The following PRELID2 variants were observed in gnomAD, a reference collection of about 807,000 sequenced individuals.
The protein encoded by PRELID2 is PRELI domain containing 2.
PRELID2 carries 25 observed loss-of-function variants against 28.4 expected under a neutral mutation model. That is an observed-to-expected ratio of 0.88 (90% confidence interval 0.64 to 1.23). The LOEUF (loss-of-function observed/expected upper bound fraction) is 1.23. PRELID2 is among the 50% of genes most tolerant of loss of function. PRELID2 has a pLI of 0.00. For missense variants in PRELID2, 201 were observed against 214.4 expected, an observed-to-expected ratio of 0.94 and a Z score of 0.39; for synonymous variants, 76 against 71.6, an observed-to-expected ratio of 1.06 and a Z score of -0.31.
At chr5:145,553,673 T>C (rs753186865) in intron 1 of PRELID2, among the ~76,000 whole-genome samples, 1 of 152,216 alleles carries the variant, frequency 6.6e-6, no homozygotes, top group African/African-American at 2.4e-5. Flanking sequence ...TGCTAAATAA[T>C]AGATTTTATA....
At chr5:145,718,166 T>C (rs1414133555) in intron 1 of PRELID2, among the ~76,000 whole-genome samples, 1 of 151,974 alleles carries the variant, frequency 6.6e-6, no homozygotes, top group African/African-American at 2.4e-5. Flanking sequence ...CATATGGTCA[T>C]CTACTTAGGA....
intron 1 of PRELID2, among the ~76,000 whole-genome samples, chr5:145,689,469 G>A (rs919883632): frequency 1.3e-5 from 2 of 152,138 alleles, no homozygotes; most frequent in African/African-American, 2.4e-5. Flanking sequence ...AAAGCCTACC[G>A]GGGAGCCAAC....
chr5:145,496,665 G>T (rs555691034), intron 1 of PRELID2, among the ~76,000 whole-genome samples: 1 of 152,176 alleles, frequency 6.6e-6, no homozygotes, highest in East Asian at 1.9e-4. Context: ...CTCTCCATTG[G>T]TCTAGCTGAG....
chr5:145,525,751 A>G (rs990826225), intron 1 of PRELID2, among the ~76,000 whole-genome samples: 6 of 152,244 alleles, frequency 3.9e-5, no homozygotes, highest in Admixed American at 6.5e-5. Context: ...AAAAACACAC[A>G]TCAACAACTG....
At chr5:145,254,292 A>G in the PRELID2 span, among the ~76,000 whole-genome samples, 14 of 152,206 alleles carry the variant, frequency 9.2e-5, no homozygotes, top group Admixed American at 9.2e-4. Flanking sequence ...CACACATTGT[A>G]TATCCAATAA....
At chr5:145,810,934 T>C (rs1322084237) in intron 4 of PRELID2, among the ~76,000 whole-genome samples, 1 of 151,944 alleles carries the variant, frequency 6.6e-6, no homozygotes, top group Non-Finnish European at 1.5e-5. Context: ...GAGGTTGTAT[T>C]AGTCCATTTT....
intron 1 of PRELID2, among the ~76,000 whole-genome samples, chr5:145,682,284 G>A (rs1006147192): frequency 1.3e-5 from 2 of 152,184 alleles, no homozygotes; most frequent in African/African-American, 2.4e-5. Context: ...GTTTTGGTTG[G>A]GAGGAAAATG....
downstream of PRELID2, among the ~76,000 whole-genome samples, chr5:145,751,928 G>A (rs1757134297): frequency 1.3e-5 from 2 of 152,212 alleles, no homozygotes; most frequent in Admixed American, 1.3e-4. Context: ...GTTGCAGTGA[G>A]CTGAGATCGT....
intron 1 of PRELID2, among the ~76,000 whole-genome samples, chr5:145,591,277 T>C (rs533341070): frequency 4.7e-5 from 7 of 147,460 alleles, no homozygotes; most frequent in Admixed American, 1.4e-4. Flanking sequence ...GCCTGAGTGA[T>C]AGAGCGAGAC....
At chr5:145,754,751 T>G (rs1466454583), downstream of PRELID2, among the ~76,000 whole-genome samples, 1 of 152,212 alleles carries the variant, frequency 6.6e-6, no homozygotes, top group Non-Finnish European at 1.5e-5. Context: ...AGTTTACAAA[T>G]GCATAGCTCA....
intron 2 of PRELID2, among the ~76,000 whole-genome samples, chr5:145,822,020 T>C (rs1754864297): frequency 6.6e-6 from 1 of 152,096 alleles, no homozygotes; most frequent in Non-Finnish European, 1.5e-5. Flanking sequence ...ATCTATATGG[T>C]TATAGAATTA....
the PRELID2 span, among the ~76,000 whole-genome samples, chr5:145,431,027 T>G: frequency 6.8e-5 from 10 of 148,024 alleles, no homozygotes; most frequent in African/African-American, 2.2e-4. Context: ...TTTTTTTTTT[T>G]TTTTTTTTTA....
At chr5:145,457,227 A>G in the PRELID2 span, among the ~76,000 whole-genome samples, 1 of 152,172 alleles carries the variant, frequency 6.6e-6, no homozygotes. Flanking sequence ...TGACACTAAG[A>G]CAGTGGCTTA....
chr5:145,242,336 A>C, the PRELID2 span, among the ~76,000 whole-genome samples: 7 of 152,020 alleles, frequency 4.6e-5, no homozygotes, highest in African/African-American at 1.4e-4. Context: ...ATAAGACATT[A>C]AATAACACTA....
the PRELID2 span, among the ~76,000 whole-genome samples, chr5:145,300,246 G>A: frequency 0.24 from 36,178 of 151,830 alleles, 5,259 homozygotes; most frequent in Non-Finnish European, 0.32. Context: ...AAAACAAAAC[G>A]TCTCAGGCTT....
At chr5:145,809,638 T>C (rs1485905014) in intron 4 of PRELID2, among the ~76,000 whole-genome samples, 1 of 152,216 alleles carries the variant, frequency 6.6e-6, no homozygotes, top group Non-Finnish European at 1.5e-5. Context: ...AAGCAGAAGC[T>C]TTTAGACATA....
the PRELID2 span, among the ~76,000 whole-genome samples, chr5:145,426,719 G>A: frequency 6.6e-6 from 1 of 152,102 alleles, no homozygotes; most frequent in Non-Finnish European, 1.5e-5. Context: ...AGGTAAAGTT[G>A]CACACCCAAG....
chr5:145,246,941 G>A, the PRELID2 span, among the ~76,000 whole-genome samples: 3 of 152,164 alleles, frequency 2.0e-5, no homozygotes, highest in Non-Finnish European at 4.4e-5. Flanking sequence ...TGCCTTTGCA[G>A]GACTAACAAA....
intron 1 of PRELID2, among the ~76,000 whole-genome samples, chr5:145,828,657 T>C (rs1755365993): frequency 6.6e-6 from 1 of 152,072 alleles, no homozygotes; most frequent in African/African-American, 2.4e-5. Flanking sequence ...CTAAATAGTT[T>C]AAATGCTTTC....
Sources: allele counts gnomAD v4.1 joint callset (sites outside exome capture counted in the v4.1 genomes callset), GRCh38; gene constraint gnomAD v4.1.1; transcripts MANE v1.5; gene names NCBI Gene and HGNC (gene_info 2026-07-23, HGNC 2026-07-21).